The following BAZ2B variants were observed in gnomAD, a reference collection of about 807,000 sequenced individuals.
The protein encoded by BAZ2B is bromodomain adjacent to zinc finger domain 2B, also known as bromodomain adjacent to zinc finger domain protein 2B.
In BAZ2B, 91 loss-of-function variants were observed where a neutral mutation model predicts 246.0. The ratio of observed to expected loss-of-function variants is 0.37; its 90% CI spans 0.31 to 0.44. The LOEUF is 0.44. Among genes scored for constraint, BAZ2B ranks in the 20% least tolerant of loss-of-function variants. The pLI, the probability that BAZ2B is intolerant of heterozygous loss-of-function variation, is 1.00. For missense variants in BAZ2B, 2,332 were observed against 2,533.7 expected (o/e 0.92, Z 1.71); for synonymous variants, 855 against 860.0 (o/e 0.99, Z 0.10).
intron 1 of BAZ2B, among the ~76,000 whole-genome samples, chr2:159,558,182 C>A (rs966057513): frequency 6.6e-6 from 1 of 152,108 alleles, no homozygotes; most frequent in Non-Finnish European, 1.5e-5. Context: ...TTATTTAGAA[C>A]AATAGGACAG....
chr2:159,520,174 C>G (rs1188412668), intron 2 of BAZ2B, among the ~76,000 whole-genome samples: 1 of 152,142 alleles, frequency 6.6e-6, no homozygotes, highest in Non-Finnish European at 1.5e-5. Flanking sequence ...AGCCTGAACA[C>G]TAATAAAATG....
At chr2:159,597,148 T>C (rs775402742) in intron 1 of BAZ2B, among the ~76,000 whole-genome samples, 3 of 151,444 alleles carry the variant, frequency 2.0e-5, no homozygotes, top group Non-Finnish European at 4.4e-5. Flanking sequence ...TGATCAATAG[T>C]GATGTTGAGC....
At chr2:159,583,954 A>G (rs1301405700) in intron 1 of BAZ2B, among the ~76,000 whole-genome samples, 1 of 152,162 alleles carries the variant, frequency 6.6e-6, no homozygotes, top group Non-Finnish European at 1.5e-5. Flanking sequence ...AACAACAAGA[A>G]GGTTAGTGTA....
At chr2:159,691,642 T>C in the BAZ2B span, among the ~76,000 whole-genome samples, 1 of 152,230 alleles carries the variant, frequency 6.6e-6, no homozygotes, top group Non-Finnish European at 1.5e-5. Flanking sequence ...CTTATTGTAA[T>C]GTCATGACTT....
intron 2 of BAZ2B, among the ~76,000 whole-genome samples, chr2:159,508,312 G>T (rs1396992066): frequency 6.6e-6 from 1 of 152,014 alleles, no homozygotes; most frequent in South Asian, 2.1e-4. Flanking sequence ...TTAATTTTTA[G>T]TCACAGTGAC....
chr2:159,627,168 A>G, the BAZ2B span, among the ~76,000 whole-genome samples: 1 of 152,192 alleles, frequency 6.6e-6, no homozygotes, highest in Non-Finnish European at 1.5e-5. Context: ...AAATTGAGAC[A>G]GTAATTAATA....
intron 2 of BAZ2B, among the ~76,000 whole-genome samples, chr2:159,551,315 A>G (rs898391776): frequency 2.6e-5 from 4 of 151,972 alleles, no homozygotes; most frequent in Non-Finnish European, 4.4e-5. Context: ...TAAAAATACA[A>G]AAAATTAGCT....
At chr2:159,649,775 A>AT in the BAZ2B span, among the ~76,000 whole-genome samples, 2 of 152,016 alleles carry the variant, frequency 1.3e-5, no homozygotes, top group Admixed American at 1.3e-4. Context: ...CTCAGCTATG[A>AT]TTTTTTTCTG....
chr2:159,478,715 T>C lies in BAZ2B; in HGVS notation c.5A>G (p.Glu2Gly). 6.5e-7 allele frequency: 1 copy of C among 1,540,538 alleles called. No individual in the cohort carries two copies. Among genetic ancestry groups the C allele is most frequent in the Non-Finnish European group, 8.7e-7 (1 of 1,145,590 alleles). The change falls in exon 3 of 37, where the codon GAG (glutamate) becomes GGG (glycine). Residue 2 changes from glutamate (E) to glycine (G), a missense_variant. Physicochemically the swap from Glu to Gly is moderately conservative, Grantham distance 98. Transcript: ENST00000392783. MESGERLPSSAA... is the reference protein window; with the variant it reads MGSGERLPSSAA... The stretch of plus-strand genomic sequence containing the variant: ...TGAGGATGGTAACCGTTCTCCAGAC[T>C]CCATATCTATGAGAAGGGAAAATGT...
intron 31 of BAZ2B, among the ~76,000 whole-genome samples, chr2:159,341,526 A>C (rs2066716334): frequency 6.6e-6 from 1 of 152,178 alleles, no homozygotes; most frequent in Admixed American, 6.5e-5. Flanking sequence ...ACCATAGACC[A>C]AATGGACACG....
chr2:159,471,352 A>G (rs1279266699), intron 3 of BAZ2B, among the ~76,000 whole-genome samples: 1 of 152,198 alleles, frequency 6.6e-6, no homozygotes, highest in East Asian at 1.9e-4. Context: ...CTGTAATCCC[A>G]ACACTTCGGG....
At chr2:159,613,914 A>T (rs1695264056) in intron 1 of BAZ2B, among the ~76,000 whole-genome samples, 1 of 152,206 alleles carries the variant, frequency 6.6e-6, no homozygotes, top group Admixed American at 6.5e-5. Context: ...TGCTACAGAA[A>T]TAAAAACTTA....
the BAZ2B span, among the ~76,000 whole-genome samples, chr2:159,655,332 T>C: frequency 6.6e-6 from 1 of 152,194 alleles, no homozygotes; most frequent in South Asian, 2.1e-4. Context: ...GTATTCTTTG[T>C]TGTCAGTTCC....
At chr2:159,470,824 G>A (rs1201116567) in intron 3 of BAZ2B, among the ~76,000 whole-genome samples, 2 of 152,124 alleles carry the variant, frequency 1.3e-5, no homozygotes, top group Non-Finnish European at 2.9e-5. Context: ...CCAAAAGTTT[G>A]TTTTTTGGAT....
intron 1 of BAZ2B, among the ~76,000 whole-genome samples, chr2:159,557,291 A>G (rs1222966666): frequency 1.3e-5 from 2 of 150,282 alleles, no homozygotes; most frequent in Non-Finnish European, 3.0e-5. Context: ...TCCCGGTCTC[A>G]AGTACCTACC....
In BAZ2B at chr2:159,558,267, A is replaced by T. The variant is rs761739452; in HGVS notation, c.-45-2402T>A. Among the ~76,000 whole-genome samples, 9 of 151,902 alleles carry T rather than the reference A, an allele frequency of 5.9e-5. No individual in the cohort carries two copies. In the South Asian group the frequency reaches 6.2e-4, roughly 11 times the overall value. ...TAGAAATTTATTTATTTATTTATTT[A>T]TTTTTTGAGATGGAATTTTGCTCTT... On this transcript the variant is annotated intron_variant, in intron 1 of 36. Transcript: ENST00000392783.
intron 13 of BAZ2B, among the ~76,000 whole-genome samples, chr2:159,418,087 A>G (rs2068081846): frequency 6.6e-6 from 1 of 152,222 alleles, no homozygotes; most frequent in Non-Finnish European, 1.5e-5. Flanking sequence ...GTAGTCTCTA[A>G]AGAACATGGA....
chr2:159,686,500 CAG>C, the BAZ2B span, among the ~76,000 whole-genome samples: 18 of 152,096 alleles, frequency 1.2e-4, no homozygotes, highest in East Asian at 5.8e-4. Context: ...CTCAAACTGT[CAG>C]AGTCATGAAA....
downstream of BAZ2B, among the ~76,000 whole-genome samples, chr2:159,316,180 C>CACA (rs1169022516): frequency 6.6e-6 from 1 of 152,008 alleles, no homozygotes; most frequent in Non-Finnish European, 1.5e-5. Flanking sequence ...AAAAAAGTAA[C>CACA]ACAGAGGGGC....
Sources: gnomAD v4.1 joint callset for allele counts (sites outside exome capture counted in the v4.1 genomes callset) on GRCh38, gnomAD v4.1.1 for gene constraint, MANE v1.5 for transcripts, NCBI Gene and HGNC (gene_info 2026-07-23, HGNC 2026-07-21) for gene names.